EVL: variants seen among roughly 807,000 people sequenced by gnomAD.
EVL encodes the protein Enah/Vasp-like, also known as ena/VASP-like protein.
Under a neutral mutation model 59.6 loss-of-function variants are expected in EVL, and 21 were observed. That is an observed-to-expected ratio of 0.35 (90% CI 0.25 to 0.51). The LOEUF is 0.51. Among genes scored for constraint, EVL ranks in the 20% least tolerant of loss-of-function variants. The pLI is 0.97. For synonymous variants in EVL, 198 were observed against 203.5 expected, an observed-to-expected ratio of 0.97 and a Z score of 0.23; for missense variants, 462 against 546.6, an observed-to-expected ratio of 0.85 and a Z score of 1.54.
At chr14:99,975,016 TCCTTGG>T (rs143321280) in intron 1 of EVL, 13,085 of 152,930 alleles carry the variant, frequency 0.086, 594 homozygotes, top group Admixed American at 0.1. Flanking sequence ...GGGGACCTAC[TCCTTGG>T]CCTTGGCCTT....
At chr14:100,036,120 C>A (rs1380721525) in intron 1 of EVL, among the ~76,000 whole-genome samples, 1 of 152,166 alleles carries the variant, frequency 6.6e-6, no homozygotes. Context: ...ATTAGATTGT[C>A]ATAGGACCAG....
chr14:100,028,681 C>T (rs549734006), intron 1 of EVL, among the ~76,000 whole-genome samples: 8 of 152,204 alleles, frequency 5.3e-5, no homozygotes, highest in Non-Finnish European at 4.4e-5. Flanking sequence ...CATGGTGACA[C>T]GCACCTGTAG....
chr14:100,065,475 G>C lies in EVL; in HGVS notation c.-26G>C. The C allele has an allele frequency of 6.7e-7, 1 of 1,502,634 alleles. No homozygotes were observed. The highest frequency in any genetic ancestry group is 9.0e-7 in the Non-Finnish European group (1 of 1,112,948). The allele number at this position is 1,502,634 out of a possible 1,614,324, so 93.1% of individuals were successfully genotyped here. On this transcript the variant is annotated 5_prime_UTR_variant, in exon 1 of 14. Coordinates refer to ENST00000392920, the MANE Select transcript of EVL (RefSeq NM_016337.3). ...GGAGTACAGGACTCGCCTCCTCAGGGTTCCCTGTGCTGCCACTTTTCAGCC... is the reference window on the plus strand; with the variant it reads ...GGAGTACAGGACTCGCCTCCTCAGGCTTCCCTGTGCTGCCACTTTTCAGCC...
chr14:100,084,529 AT>A (rs2062393029), intron 1 of EVL, among the ~76,000 whole-genome samples, 157 bp from the exon 2 acceptor site: 1 of 152,218 alleles, frequency 6.6e-6, no homozygotes, highest in Non-Finnish European at 1.5e-5. Flanking sequence ...ATGTAAGCTC[AT>A]CACCTCACCA....
intron 8 of EVL, chr14:100,134,881 C>G (rs1471291314): frequency 6.6e-6 from 1 of 152,206 alleles, no homozygotes; most frequent in Non-Finnish European, 1.5e-5. Context: ...GGGTGCAAGT[C>G]TCTGTGCCCA....
chr14:100,025,615 C>G (rs1258701681), intron 1 of EVL, among the ~76,000 whole-genome samples: 1 of 152,088 alleles, frequency 6.6e-6, no homozygotes, highest in Non-Finnish European at 1.5e-5. Context: ...ACCTAAGTGC[C>G]ACAAGGATAG....
At chr14:100,026,181 G>A (rs2061208107) in intron 1 of EVL, among the ~76,000 whole-genome samples, 1 of 150,978 alleles carries the variant, frequency 6.6e-6, no homozygotes, top group African/African-American at 2.4e-5. Context: ...AGCTCAGGAA[G>A]TCAAGGCTGC....
intron 1 of EVL, among the ~76,000 whole-genome samples, chr14:100,067,162 A>C (rs78118158): frequency 0.031 from 4,795 of 152,282 alleles, 124 homozygotes; most frequent in Non-Finnish European, 0.049. Context: ...CTGGCCTGGC[A>C]CCATAGTGAC....
intron 6 of EVL, 76 bp from the exon 7 acceptor site, chr14:100,129,487 G>A: frequency 6.3e-7 from 1 of 1,596,426 alleles, no homozygotes; most frequent in Non-Finnish European, 8.5e-7. Context: ...ACAGTCCCCT[G>A]CATCCCCTCA....
At chr14:100,106,447 G>T in intron 3 of EVL, 1 of 162,136 alleles carries the variant, frequency 6.2e-6, no homozygotes, top group African/African-American at 2.4e-5. Context: ...CATCCCATTT[G>T]CAGCAGCAGC....
chr14:100,135,703 C>A, intron 8 of EVL: 1 of 550,352 alleles, frequency 1.8e-6, no homozygotes, highest in Admixed American at 3.0e-5. Flanking sequence ...TTCCCCTTCC[C>A]CAGCTTTGTC....
At chr14:100,013,731 C>T (rs1005959120) in intron 1 of EVL, among the ~76,000 whole-genome samples, 11 of 152,268 alleles carry the variant, frequency 7.2e-5, no homozygotes, top group East Asian at 1.9e-4. Flanking sequence ...GGTTAGGGTG[C>T]GGAGTCAGTG....
rs1388574935 is a variant in EVL, at chr14:99,988,299, A to G, written c.5+16242A>G. Reference sequence around the variant, plus strand: ...TAAACAAATGGCCAATAAGCACTTGAAAAGGTGCTTAGCATCATTAGACAA... The same window carrying G: ...TAAACAAATGGCCAATAAGCACTTGGAAAGGTGCTTAGCATCATTAGACAA... On this transcript the variant is annotated intron_variant, in intron 1 of 13. Coordinates refer to the EVL transcript ENST00000402714. Among the ~76,000 whole-genome samples, 4 of 152,178 alleles carry G rather than the reference A, an allele frequency of 2.6e-5. No homozygotes were observed. The East Asian group carries it at 5.8e-4, about 22-fold the overall frequency.
At chr14:100,123,362 TGA>T (rs1429264960) in intron 3 of EVL, among the ~76,000 whole-genome samples, 175 bp from the exon 4 acceptor site, 4 of 152,016 alleles carry the variant, frequency 2.6e-5, no homozygotes, top group African/African-American at 4.8e-5. Flanking sequence ...AGAGGGTGAT[TGA>T]GAGAGGAGAT....
At chr14:100,017,861 GT>G (rs2061063852) in intron 1 of EVL, among the ~76,000 whole-genome samples, 4 of 152,178 alleles carry the variant, frequency 2.6e-5, no homozygotes, top group Non-Finnish European at 5.9e-5. Context: ...AGTCGGCCTC[GT>G]TTGGCCTTTG....
chr14:100,111,963 C>T (rs1887023064), intron 3 of EVL, among the ~76,000 whole-genome samples: 1 of 152,194 alleles, frequency 6.6e-6, no homozygotes, highest in African/African-American at 2.4e-5. Flanking sequence ...TATAACCCGG[C>T]TTGGTCAGAG....
intron 1 of EVL, among the ~76,000 whole-genome samples, chr14:100,054,659 T>C (rs1393331532): frequency 6.6e-6 from 1 of 152,074 alleles, no homozygotes; most frequent in African/African-American, 2.4e-5. Flanking sequence ...CGTGCCTGCC[T>C]TGCCTTCTCT....
chr14:100,125,125 C>T (rs576699046), intron 4 of EVL, among the ~76,000 whole-genome samples: 8 of 117,994 alleles, frequency 6.8e-5, no homozygotes, highest in African/African-American at 3.1e-4. Flanking sequence ...GGCGGGACCA[C>T]ACACACACAC....
chr14:99,985,574 C>A (rs955494832), intron 1 of EVL, among the ~76,000 whole-genome samples: 2 of 152,022 alleles, frequency 1.3e-5, no homozygotes, highest in Non-Finnish European at 2.9e-5. Flanking sequence ...TCGTGACCAG[C>A]ATGACCAACA....
Sources: allele counts gnomAD v4.1 joint callset (sites outside exome capture counted in the v4.1 genomes callset), GRCh38; gene constraint gnomAD v4.1.1; transcripts MANE v1.5; gene names NCBI Gene and HGNC (gene_info 2026-07-23, HGNC 2026-07-21).